USP12: variants seen among roughly 807,000 people sequenced by gnomAD.
USP12 encodes ubiquitin carboxyl-terminal hydrolase 12.
Under a neutral mutation model 45.5 loss-of-function variants are expected in USP12, and 19 were observed. The observed-to-expected ratio is 0.42, with a 90% CI of 0.29 to 0.61. USP12 has a LOEUF of 0.61. USP12 is among the 20% of genes least tolerant of loss of function. USP12 has a pLI of 0.22. For synonymous variants in USP12, 149 were observed against 148.8 expected (o/e 1.00, Z -0.01); for missense variants, 242 against 447.7 (o/e 0.54, Z 4.15).
rs114534659 is a variant in USP12, at chr13:27,097,709, G to A, written c.344-1879C>T. 5.3e-3 allele frequency among the ~76,000 whole-genome samples: 801 copies of A among 152,226 alleles called. 8 individuals are homozygous for A. The highest frequency in any genetic ancestry group is 0.019 in the African/African-American group (770 of 41,538). ...CACAGCAGTACCTGTACCTCACAAG[G>A]CTGGGAGGAAGATTAAAAGTGCTTA... On this transcript the variant is annotated intron_variant, in intron 3 of 8. Transcript: ENST00000282344.
intron 1 of USP12, among the ~76,000 whole-genome samples, chr13:27,127,926 C>G (rs1233465688): frequency 6.6e-6 from 1 of 152,202 alleles, no homozygotes; most frequent in African/African-American, 2.4e-5. Context: ...CCAAAACCAA[C>G]AGGCATGTAA....
At chr13:27,095,962 C>A in intron 3 of USP12, 132 bp from the exon 4 acceptor site, 1 of 610,972 alleles carries the variant, frequency 1.6e-6, no homozygotes, top group Non-Finnish European at 2.6e-6. Flanking sequence ...TAATGTATAA[C>A]AAATAACTTT....
intron 2 of USP12, among the ~76,000 whole-genome samples, chr13:27,107,060 CACA>C (rs1204805100): frequency 6.6e-6 from 1 of 152,168 alleles, no homozygotes; most frequent in African/African-American, 2.4e-5. Context: ...CGCAGTGGCT[CACA>C]CCTGTAATCC....
chr13:27,145,734 C>T (rs1414376746), intron 1 of USP12, among the ~76,000 whole-genome samples: 2 of 151,740 alleles, frequency 1.3e-5, no homozygotes, highest in African/African-American at 4.8e-5. Flanking sequence ...TCTTTATCAA[C>T]AAAAGTCTGT....
intron 1 of USP12, among the ~76,000 whole-genome samples, chr13:27,128,974 A>T (rs1259319494): frequency 6.6e-6 from 1 of 152,222 alleles, no homozygotes; most frequent in African/African-American, 2.4e-5. Flanking sequence ...GGACTGACTT[A>T]GTTTAATAGT....
chr13:27,075,062 A>C lies in USP12; in HGVS notation c.932+129T>G, dbSNP rs1208542566. 10 of 789,206 alleles carry C rather than the reference A, an allele frequency of 1.3e-5. No individual in the cohort carries two copies. In the African/African-American group the frequency reaches 1.8e-4, roughly 14 times the overall value. The allele number at this position is 789,206 out of a possible 1,614,324, so 48.9% of individuals were successfully genotyped here. On this transcript the variant is annotated intron_variant, in intron 7 of 8. Coordinates refer to ENST00000282344, the MANE Select transcript of USP12 (RefSeq NM_182488.4). ...ACATAAAGCTAAAACTCCATTTTGAAATAAAATTATCTTGAGAGAATACAG... is the reference window on the plus strand; with the variant it reads ...ACATAAAGCTAAAACTCCATTTTGACATAAAATTATCTTGAGAGAATACAG...
intron 1 of USP12, among the ~76,000 whole-genome samples, chr13:27,134,914 TAAATG>T (rs1337075348): frequency 6.6e-6 from 1 of 152,198 alleles, no homozygotes; most frequent in Non-Finnish European, 1.5e-5. Flanking sequence ...GACGTACACT[TAAATG>T]AAAGTAGACA....
chr13:27,077,611 A>G (rs1309086506), intron 6 of USP12: 1 of 152,224 alleles, frequency 6.6e-6, no homozygotes, highest in East Asian at 1.9e-4. Flanking sequence ...GGAATTGTCA[A>G]GCAAAAATAT....
intron 1 of USP12, among the ~76,000 whole-genome samples, chr13:27,126,854 T>C (rs1443857947): frequency 6.6e-6 from 1 of 152,180 alleles, no homozygotes; most frequent in Non-Finnish European, 1.5e-5. Context: ...CATGGCTTGT[T>C]TCTGTGAAAA....
chr13:27,114,769 T>TAAAAA (rs11366017), intron 2 of USP12, among the ~76,000 whole-genome samples: 1 of 142,724 alleles, frequency 7.0e-6, no homozygotes, highest in African/African-American at 2.5e-5. Flanking sequence ...TCTCCATTTT[T>TAAAAA]AAAAAAAAAA....
At chr13:27,085,667 G>T (rs1377454810) in intron 6 of USP12, among the ~76,000 whole-genome samples, 1 of 151,700 alleles carries the variant, frequency 6.6e-6, no homozygotes, top group African/African-American at 2.4e-5. Flanking sequence ...AGATCCTAAT[G>T]AGAAATATGT....
At chr13:27,086,187 A>ATACATATATATATAT (rs1289444305) in intron 6 of USP12, among the ~76,000 whole-genome samples, 1 of 72,882 alleles carries the variant, frequency 1.4e-5, no homozygotes. Context: ...AAAAAAAAAA[A>ATACATATATATATAT]AAAAAAAAAA....
chr13:27,100,615 T>C (rs73155878), intron 3 of USP12, among the ~76,000 whole-genome samples: 7,605 of 152,212 alleles, frequency 0.05, 243 homozygotes, highest in Non-Finnish European at 0.059. Context: ...TGCATGCACC[T>C]CAATCCCGTA....
intron 4 of USP12, among the ~76,000 whole-genome samples, chr13:27,095,267 C>T (rs1392062564): frequency 6.6e-6 from 1 of 152,058 alleles, no homozygotes; most frequent in Non-Finnish European, 1.5e-5. Context: ...AAAGGAAAAA[C>T]GAATTAATAT....
At chr13:27,160,585 T>C (rs1878059299) in intron 1 of USP12, among the ~76,000 whole-genome samples, 1 of 152,088 alleles carries the variant, frequency 6.6e-6, no homozygotes, top group South Asian at 2.1e-4. Context: ...TTGTTTTTGG[T>C]CCGTTGTATC....
At chr13:27,071,912 A>G (rs1355402499) in intron 7 of USP12, among the ~76,000 whole-genome samples, 1 of 152,142 alleles carries the variant, frequency 6.6e-6, no homozygotes, top group Non-Finnish European at 1.5e-5. Flanking sequence ...TATTTATTAA[A>G]TTGTAATTCT....
chr13:27,132,604 A>G (rs1876557507), intron 1 of USP12, among the ~76,000 whole-genome samples: 1 of 152,206 alleles, frequency 6.6e-6, no homozygotes, highest in South Asian at 2.1e-4. Flanking sequence ...TAGTGTAAGT[A>G]TCTCAAGAGG....
chr13:27,095,574 C>G, intron 4 of USP12, 27 bp downstream of exon 4: 1 of 1,480,592 alleles, frequency 6.8e-7, no homozygotes, highest in East Asian at 2.3e-5. Flanking sequence ...CAATTTTTCT[C>G]TATACAAAAT....
intron 6 of USP12, chr13:27,077,749 G>C (rs1873556870): frequency 1.3e-5 from 2 of 152,108 alleles, no homozygotes; most frequent in Admixed American, 6.5e-5. Flanking sequence ...TCATTATGTA[G>C]ATTTTGCAGC....
Sources: allele counts gnomAD v4.1 joint callset (sites outside exome capture counted in the v4.1 genomes callset), GRCh38; gene constraint gnomAD v4.1.1; transcripts MANE v1.5; gene names NCBI Gene and HGNC (gene_info 2026-07-23, HGNC 2026-07-21).